Variants in LRP1B observed in about 807,000 individuals in gnomAD.
The protein encoded by LRP1B is LDL receptor related protein 1B.
LRP1B carries 217 observed loss-of-function variants against 556.6 expected under a neutral mutation model. The observed-to-expected ratio is 0.39, with a 90% CI of 0.35 to 0.44. The LOEUF is 0.44. Ranked by LOEUF, LRP1B falls within the 20% of genes least tolerant of loss-of-function variation. The pLI is 1.00. For missense variants in LRP1B, 5,053 were observed against 5,620.8 expected (o/e 0.90, Z 3.23); for synonymous variants, 2,047 against 1,865.8 (o/e 1.10, Z -2.50).
In LRP1B at chr2:141,480,468, C is replaced by T. The variant is rs746883837; in HGVS notation, c.271G>A (p.Val91Ile). 9 of 1,613,866 alleles carry T rather than the reference C, an allele frequency of 5.6e-6. No homozygotes were observed. The African/African-American group carries it at 1.1e-4, about 19-fold the overall frequency. The part of the protein sequence containing the change: ...HIACLGTNKC[V>I]HLSQLCNGVL... ...CCATTGCACAGCTGGGATAAATGAA[C>T]ACATTTGTTGGTACCAAGGCAAGCA... Residue 91 changes from valine to isoleucine, a missense_variant, in exon 3 of 91, where the codon GTT becomes ATT. Val to Ile is a conservative substitution (Grantham distance 29). Coordinates refer to ENST00000389484, the MANE Select transcript of LRP1B (RefSeq NM_018557.3).
chr2:141,331,876 C>T (rs1429882760), intron 3 of LRP1B, among the ~76,000 whole-genome samples: 1 of 152,028 alleles, frequency 6.6e-6, no homozygotes, highest in East Asian at 1.9e-4. Context: ...GACTAATTAC[C>T]CTTGTTCTAC....
chr2:140,683,923 C>G (rs973252202), intron 41 of LRP1B: 22 of 458,126 alleles, frequency 4.8e-5, no homozygotes, highest in Non-Finnish European at 7.2e-5. Flanking sequence ...GGCTTGCCCC[C>G]CTGGATGTTG....
At chr2:140,526,164 AT>A in intron 48 of LRP1B, 72 bp downstream of exon 48, 1 of 1,461,094 alleles carries the variant, frequency 6.8e-7, no homozygotes, top group Non-Finnish European at 9.5e-7. Context: ...GTTCAGTAAA[AT>A]CTTGCACAGT....
intron 3 of LRP1B, among the ~76,000 whole-genome samples, chr2:141,256,766 C>G (rs1261856751): frequency 1.3e-5 from 2 of 151,794 alleles, no homozygotes; most frequent in African/African-American, 4.8e-5. Context: ...AAAATATTGA[C>G]AACATAATAG....
intron 59 of LRP1B, among the ~76,000 whole-genome samples, chr2:140,476,810 T>C (rs1687994161): frequency 1.3e-5 from 2 of 152,094 alleles, no homozygotes; most frequent in South Asian, 4.1e-4. Context: ...AAAGTCAAAA[T>C]GTAAAATAAA....
chr2:141,836,421 T>A (rs988276724), intron 1 of LRP1B, among the ~76,000 whole-genome samples: 1 of 151,982 alleles, frequency 6.6e-6, no homozygotes, highest in African/African-American at 2.4e-5. Flanking sequence ...TTCTAAAAAC[T>A]TATTTCCTCT....
chr2:142,020,894 T>C (rs1250475983), intron 1 of LRP1B, among the ~76,000 whole-genome samples: 1 of 152,314 alleles, frequency 6.6e-6, no homozygotes, highest in South Asian at 2.1e-4. Flanking sequence ...CTCTCTTGAT[T>C]CTTGCTAGAA....
chr2:140,627,807 G>T (rs1683720790), intron 41 of LRP1B, among the ~76,000 whole-genome samples: 1 of 152,156 alleles, frequency 6.6e-6, no homozygotes, highest in Non-Finnish European at 1.5e-5. Flanking sequence ...ATTGGTATCT[G>T]TAAGACACTC....
At chr2:140,976,841 T>C (rs1423064991) in intron 18 of LRP1B, among the ~76,000 whole-genome samples, 3 of 152,112 alleles carry the variant, frequency 2.0e-5, no homozygotes, top group Admixed American at 6.6e-5. Flanking sequence ...TAACAAACTT[T>C]AGGTAATTTC....
chr2:140,928,883 G>C (rs1017655793), intron 20 of LRP1B, among the ~76,000 whole-genome samples: 1 of 151,920 alleles, frequency 6.6e-6, no homozygotes, highest in Non-Finnish European at 1.5e-5. Context: ...AATTTTTACA[G>C]AAAAAGAAAA....
At chr2:140,805,299 G>C (rs753045804) in intron 32 of LRP1B, among the ~76,000 whole-genome samples, 30 of 152,094 alleles carry the variant, frequency 2.0e-4, no homozygotes, top group Admixed American at 1.1e-3. Context: ...ATTTAGCAGA[G>C]AGCTTAAATA....
intron 56 of LRP1B, among the ~76,000 whole-genome samples, chr2:140,494,447 A>G (rs1251944154): frequency 2.6e-5 from 4 of 151,924 alleles, no homozygotes; most frequent in African/African-American, 9.7e-5. Flanking sequence ...TGAAAATACA[A>G]AAACAAAATT....
chr2:141,953,542 T>C (rs547578548), intron 1 of LRP1B, among the ~76,000 whole-genome samples: 1 of 152,174 alleles, frequency 6.6e-6, no homozygotes, highest in Admixed American at 6.5e-5. Flanking sequence ...AATTATATGC[T>C]TCTGGGTGGG....
At chr2:141,817,786 C>T (rs1696611171) in intron 1 of LRP1B, among the ~76,000 whole-genome samples, 1 of 151,954 alleles carries the variant, frequency 6.6e-6, no homozygotes, top group Non-Finnish European at 1.5e-5. Context: ...GTTGTACATA[C>T]TAATATTACC....
intron 41 of LRP1B, among the ~76,000 whole-genome samples, chr2:140,686,384 A>C (rs533012134): frequency 1.3e-5 from 2 of 152,304 alleles, no homozygotes; most frequent in Non-Finnish European, 2.9e-5. Flanking sequence ...GCAATCATTC[A>C]GTAATAAATG....
intron 3 of LRP1B, among the ~76,000 whole-genome samples, chr2:141,275,697 A>G (rs1573742518): frequency 6.6e-6 from 1 of 152,180 alleles, no homozygotes. Context: ...TGGATGACAG[A>G]GTGAGACCCT....
chr2:140,897,601 G>A (rs1428027924), intron 23 of LRP1B, among the ~76,000 whole-genome samples: 3 of 152,150 alleles, frequency 2.0e-5, no homozygotes, highest in African/African-American at 7.2e-5. Flanking sequence ...TAATCTGGAT[G>A]GGTACCATCT....
Position 140,716,738 on chromosome 2 carries a change from T to A in LRP1B, c.5837A>T (p.Asp1946Val), listed in dbSNP as rs776616686. 1.9e-5 allele frequency: 31 copies of A among 1,611,952 alleles called. No individual in the cohort carries two copies. The East Asian group carries it at 2.7e-4, about 14-fold the overall frequency. ...RAKRDQTWKE[D>V]IITNGLGRVE... ...TCTTCCCAAGCCATTGGTAATGATA[T>A]CTTCTTTCCAAGTCTGATCTCTTTT... The change falls in exon 36 of 91, where the codon GAT (aspartate) becomes GTT (valine). Residue 1946 changes from aspartate (D) to valine (V), a missense_variant. Coordinates refer to ENST00000389484, the MANE Select transcript of LRP1B (RefSeq NM_018557.3).
intron 11 of LRP1B, among the ~76,000 whole-genome samples, chr2:141,048,180 G>A (rs931696680): frequency 6.6e-6 from 1 of 152,046 alleles, no homozygotes; most frequent in Non-Finnish European, 1.5e-5. Context: ...CTCAAATTAT[G>A]TATTTCTAAA....
Sources: allele counts gnomAD v4.1 joint callset (sites outside exome capture counted in the v4.1 genomes callset), GRCh38; gene constraint gnomAD v4.1.1; transcripts MANE v1.5; gene names NCBI Gene and HGNC (gene_info 2026-07-23, HGNC 2026-07-21).